Variants in SENP6 observed in about 807,000 individuals in gnomAD.
SENP6 encodes sentrin-specific protease 6.
A neutral mutation model predicts 134.5 loss-of-function variants in SENP6; 41 were observed. The observed-to-expected ratio is 0.30, with a 90% CI of 0.24 to 0.40. The LOEUF (loss-of-function observed/expected upper bound fraction) is 0.40. Ranked by LOEUF, SENP6 falls within the 10% of genes least tolerant of loss-of-function variation. The pLI, the probability that SENP6 is intolerant of heterozygous loss-of-function variation, is 1.00. For missense variants in SENP6, 1,248 were observed against 1,312.5 expected, an observed-to-expected ratio of 0.95 and a Z score of 0.76; for synonymous variants, 395 against 429.8, an observed-to-expected ratio of 0.92 and a Z score of 1.00.
intron 22 of SENP6, 22 bp downstream of exon 22, chr6:75,713,603 T>C: frequency 6.2e-7 from 1 of 1,608,960 alleles, no homozygotes; most frequent in Non-Finnish European, 8.5e-7. Context: ...CTTTATTTCG[T>C]ATTCTGATGG....
intron 2 of SENP6, 66 bp downstream of exon 2, chr6:75,621,691 T>C: frequency 1.1e-6 from 1 of 924,978 alleles, no homozygotes; most frequent in Non-Finnish European, 1.7e-6. Context: ...AAACAATTTC[T>C]ATTGTATGGA....
intron 9 of SENP6, among the ~76,000 whole-genome samples, chr6:75,664,468 C>T (rs1248738361): frequency 6.6e-6 from 1 of 151,822 alleles, no homozygotes; most frequent in Non-Finnish European, 1.5e-5. Flanking sequence ...TTTGTTCTTG[C>T]AACGATTCTG....
chr6:75,658,384 G>T (rs936356055), intron 7 of SENP6, among the ~76,000 whole-genome samples: 23 of 151,936 alleles, frequency 1.5e-4, no homozygotes, highest in Non-Finnish European at 2.8e-4. Flanking sequence ...AATGATAAAA[G>T]AATATTAAAT....
intron 7 of SENP6, among the ~76,000 whole-genome samples, chr6:75,656,142 G>A (rs905973333): frequency 2.0e-5 from 3 of 151,482 alleles, no homozygotes; most frequent in African/African-American, 7.3e-5. Flanking sequence ...TTGAACCTGG[G>A]AGGCAGAGGT....
intron 1 of SENP6, among the ~76,000 whole-genome samples, chr6:75,616,750 A>G (rs982170841): frequency 2.6e-5 from 4 of 151,624 alleles, no homozygotes; most frequent in Admixed American, 6.6e-5. Flanking sequence ...CATCTCAAAA[A>G]AAAAAAAAAA....
At chr6:75,603,655 T>C (rs1247605148) in intron 1 of SENP6, among the ~76,000 whole-genome samples, 2 of 152,182 alleles carry the variant, frequency 1.3e-5, no homozygotes, top group African/African-American at 2.4e-5. Flanking sequence ...ACAGGTTCTA[T>C]AGGAGGGTGT....
chr6:75,642,695 A>G (rs1770122633), intron 6 of SENP6, among the ~76,000 whole-genome samples: 1 of 152,252 alleles, frequency 6.6e-6, no homozygotes, highest in African/African-American at 2.4e-5. Flanking sequence ...CATTTGAGAT[A>G]GGGAAGTATT....
rs188236788 is a variant in SENP6 at position 75,643,649 on chromosome 6, G to A, written c.479+2945G>A. ...AGACATGAGAATTGCTTGAACCTGG[G>A]AGGCGAAGGTTGCAGTAAGCCAAGA... On this transcript the variant is annotated intron_variant, in intron 6 of 23. Coordinates refer to ENST00000447266, the MANE Select transcript of SENP6 (RefSeq NM_015571.4). Among the ~76,000 whole-genome samples the A allele has an allele frequency of 2.0e-3, 312 of 152,318 alleles. 1 individual carries two copies. The highest frequency in any genetic ancestry group is 7.1e-3 in the African/African-American group (295 of 41,574).
At chr6:75,626,273 T>C (rs1768685682) in intron 3 of SENP6, among the ~76,000 whole-genome samples, 1 of 151,988 alleles carries the variant, frequency 6.6e-6, no homozygotes, top group African/African-American at 2.4e-5. Context: ...TCTAATTTTG[T>C]CTTGATTCCC....
At position 75,666,794 on chromosome 6, in the gene SENP6, A is replaced by G. The variant is rs1474589294; in HGVS notation, c.1077A>G (p.Ala359=). The change falls in exon 10 of 24, where the codon GCA becomes GCG. Residue 359 remains alanine, a synonymous_variant. Coordinates refer to ENST00000447266, the MANE Select transcript of SENP6 (RefSeq NM_015571.4). ...TATCTCCTCAGCCTGCTGATTCAGC[A>G]TGTTCTTCCCCTGCACCATCCACTG... The part of the protein sequence containing the change: ...ESISPQPADS[A]CSSPAPSTGK... 1 of 1,613,388 alleles carries G rather than the reference A, an allele frequency of 6.2e-7. No individual in the cohort carries two copies. The highest frequency in any genetic ancestry group is 2.2e-5 in the East Asian group (1 of 44,868).
Position 75,716,923 on chromosome 6 carries a change from A to G in SENP6, c.*1329A>G, listed in dbSNP as rs1263933976. ...CTTAGGGTATTTTCTTGAATTTAAT[A>G]AAGTCCCATGGGTGGGTTCAGGGTG... On this transcript the variant is annotated 3_prime_UTR_variant, in exon 24 of 24. Transcript: ENST00000447266. 1 of 152,110 alleles carries G rather than the reference A, an allele frequency of 6.6e-6. No individual in the cohort carries two copies. Among genetic ancestry groups the G allele is most frequent in the African/African-American group, 2.4e-5 (1 of 41,586 alleles). 9.4% of individuals were successfully genotyped at this position (152,110 alleles called of 1,614,324 possible).
chr6:75,620,768 C>T (rs45541138), intron 1 of SENP6: 4,516 of 152,300 alleles, frequency 0.03, 94 homozygotes, highest in Non-Finnish European at 0.047. Context: ...TTTTGTTTTT[C>T]CCTAGTTCAC....
chr6:75,661,101 A>G (rs1259332877), intron 8 of SENP6, among the ~76,000 whole-genome samples: 1 of 152,218 alleles, frequency 6.6e-6, no homozygotes, highest in Non-Finnish European at 1.5e-5. Flanking sequence ...GGACAAAGCT[A>G]AGAAATACAT....
intron 6 of SENP6, among the ~76,000 whole-genome samples, chr6:75,645,892 T>A (rs982169606): frequency 6.6e-6 from 1 of 152,200 alleles, no homozygotes; most frequent in African/African-American, 2.4e-5. Flanking sequence ...GTATACACAT[T>A]AGTTTAATGT....
chr6:75,613,483 T>TA (rs199819742), intron 1 of SENP6, among the ~76,000 whole-genome samples: 15 of 149,466 alleles, frequency 1.0e-4, no homozygotes, highest in East Asian at 9.8e-4. Flanking sequence ...GAAACAAACT[T>TA]AAAAAAAAAA....
At chr6:75,676,548 A>G (rs1470542872) in intron 13 of SENP6, 1 of 156,218 alleles carries the variant, frequency 6.4e-6, no homozygotes, top group Non-Finnish European at 1.4e-5. Context: ...AGATATACAC[A>G]TTTCAGCAGT....
intron 20 of SENP6, 55 bp from the exon 21 acceptor site, chr6:75,711,273 T>G (rs575359626): frequency 1.3e-5 from 16 of 1,274,282 alleles, no homozygotes; most frequent in Non-Finnish European, 1.7e-5. Context: ...TTTGTTAGGT[T>G]ATTAGTTATT....
chr6:75,663,105 T>C (rs1387747727), intron 8 of SENP6, 116 bp from the exon 9 acceptor site: 1 of 1,006,226 alleles, frequency 9.9e-7, no homozygotes, highest in Non-Finnish European at 1.5e-6. Context: ...CCAAAATCTT[T>C]TATTTCTTTT....
chr6:75,687,774 G>A (rs2149888197), intron 16 of SENP6, among the ~76,000 whole-genome samples: 1 of 152,264 alleles, frequency 6.6e-6, no homozygotes, highest in East Asian at 1.9e-4. Context: ...TGGAAGCTTC[G>A]TCCCAGAGGG....
Sources: allele counts gnomAD v4.1 joint callset (sites outside exome capture counted in the v4.1 genomes callset), GRCh38; gene constraint gnomAD v4.1.1; transcripts MANE v1.5; gene names NCBI Gene and HGNC (gene_info 2026-07-23, HGNC 2026-07-21).